EML5: variants seen among roughly 807,000 people sequenced by gnomAD.
EML5 encodes EMAP like 5.
In EML5, 120 loss-of-function variants were observed where a neutral mutation model predicts 250.0. The observed-to-expected ratio is 0.48, with a 90% confidence interval of 0.41 to 0.56. EML5 has a LOEUF of 0.56. Ranked by LOEUF, EML5 falls within the 20% of genes least tolerant of loss-of-function variation. EML5 has a pLI of 0.00. For synonymous variants in EML5, 771 were observed against 806.5 expected (o/e 0.96, Z 0.75); for missense variants, 2,006 against 2,437.6 (o/e 0.82, Z 3.73).
chr14:88,664,860 G>C (rs187287118), intron 22 of EML5, among the ~76,000 whole-genome samples: 2 of 152,214 alleles, frequency 1.3e-5, no homozygotes, highest in East Asian at 3.9e-4. Context: ...CAAAAGCTAT[G>C]TATGATGTAG....
intron 7 of EML5, among the ~76,000 whole-genome samples, chr14:88,735,149 T>C (rs1209273648): frequency 6.6e-6 from 1 of 152,168 alleles, no homozygotes; most frequent in Non-Finnish European, 1.5e-5. Flanking sequence ...CTCAAACTTT[T>C]GAGTATATCG....
At position 88,687,261 on chromosome 14, in the gene EML5, T is replaced by G; in HGVS notation, c.2809A>C (p.Lys937Gln). 2.5e-6 allele frequency: 4 copies of G among 1,612,572 alleles called. No individual in the cohort carries two copies. Among genetic ancestry groups the G allele is most frequent in the Non-Finnish European group, 3.4e-6 (4 of 1,179,400 alleles). The change falls in exon 19 of 44, where the codon AAG becomes CAG. Residue 937 changes from lysine (K) to glutamine (Q), a missense_variant. Physicochemically the swap from Lys to Gln is moderately conservative, Grantham distance 53. Around this residue, in one of 7 missense-constraint regions of EML5, gnomAD observed 1,375 missense variants for 1,590.3 expected, o/e 0.86. Coordinates refer to ENST00000554922, the MANE Select transcript of EML5 (RefSeq NM_183387.3). ...GCAGCTCTTTTTATAGCATAGGTCTTGAGACATCTTTCAAAAGAGTCATCC... is the reference window on the plus strand; with the variant it reads ...GCAGCTCTTTTTATAGCATAGGTCTGGAGACATCTTTCAAAAGAGTCATCC... ...LWDDSFERCL[K>Q]TYAIKRAALA...
At chr14:88,763,436 C>A (rs574435014) in intron 1 of EML5, among the ~76,000 whole-genome samples, 16 of 151,842 alleles carry the variant, frequency 1.1e-4, no homozygotes, top group East Asian at 1.9e-4. Flanking sequence ...ACACACACAC[C>A]CCCCCAAGAC....
chr14:88,622,584 C>G lies in EML5; in HGVS notation c.5013+20G>C, dbSNP rs1216479852. Reference sequence around the variant, plus strand: ...CTTTCTGTTTTCTGCTGCACTGTATCAGCTCATGGAACATCTTACTTTGCC... The same window carrying G: ...CTTTCTGTTTTCTGCTGCACTGTATGAGCTCATGGAACATCTTACTTTGCC... On this transcript the variant is annotated intron_variant, in intron 37 of 43. Transcript: ENST00000554922. 1 of 1,564,156 alleles carries G rather than the reference C, an allele frequency of 6.4e-7. No homozygotes were observed. The highest frequency in any genetic ancestry group is 8.7e-7 in the Non-Finnish European group (1 of 1,152,234).
chr14:88,729,104 CAACT>C (rs1434625156), intron 7 of EML5, among the ~76,000 whole-genome samples: 3 of 149,628 alleles, frequency 2.0e-5, no homozygotes, highest in Non-Finnish European at 4.5e-5. Context: ...TATATATAAC[CAACT>C]GAGAATGGCA....
chr14:88,699,746 A>C (rs2093165072), intron 14 of EML5, among the ~76,000 whole-genome samples: 1 of 152,162 alleles, frequency 6.6e-6, no homozygotes, highest in African/African-American at 2.4e-5. Context: ...CTACTTGAGG[A>C]CTGACTAGCT....
intron 1 of EML5, among the ~76,000 whole-genome samples, chr14:88,775,866 G>A (rs2094442233): frequency 6.6e-6 from 1 of 150,656 alleles, no homozygotes; most frequent in African/African-American, 2.5e-5. Context: ...GTGGCCACAG[G>A]GTGATTATGT....
At chr14:88,679,404 G>C (rs1037236933) in intron 21 of EML5, among the ~76,000 whole-genome samples, 12 of 151,760 alleles carry the variant, frequency 7.9e-5, no homozygotes, top group Non-Finnish European at 1.0e-4. Context: ...TCAATAAAGG[G>C]GCTATAGCCA....
chr14:88,697,388 G>T (rs2093103679), intron 14 of EML5, among the ~76,000 whole-genome samples: 1 of 152,194 alleles, frequency 6.6e-6, no homozygotes, highest in African/African-American at 2.4e-5. Context: ...GTCCATAGAA[G>T]AGAAGGTACT....
intron 20 of EML5, among the ~76,000 whole-genome samples, chr14:88,682,622 C>T (rs145707113): frequency 2.0e-5 from 3 of 152,106 alleles, no homozygotes; most frequent in South Asian, 2.1e-4. Context: ...CTCTCTCCCC[C>T]CAGCTCGCGG....
rs35634830 is a variant in EML5, at chr14:88,660,282, T to TAAA, written c.3675+1369_3675+1371dup. Among the ~76,000 whole-genome samples the TAAA allele has an allele frequency of 6.3e-4, 84 of 133,898 alleles. 1 individual carries two copies. The East Asian group carries it at 0.015, about 23-fold the overall frequency. 87.8% of individuals were successfully genotyped at this position (133,898 alleles called of 152,430 possible). A position where few individuals can be genotyped will look rare whatever the true frequency, so the allele number is the denominator to read the frequency against. On this transcript the variant is annotated intron_variant, in intron 25 of 43. Coordinates refer to ENST00000554922, the MANE Select transcript of EML5 (RefSeq NM_183387.3). ...TGGGTCACAGAGAGAGACGCTGTCT[T>TAAA]AAAAAAAAAAAAAAAAGAAAGGAAT...
At chr14:88,639,871 G>A (rs748489963) in intron 31 of EML5, among the ~76,000 whole-genome samples, 7 of 152,144 alleles carry the variant, frequency 4.6e-5, no homozygotes, top group Admixed American at 2.6e-4. Flanking sequence ...ATGAGCCACC[G>A]TGCCCAGCAG....
chr14:88,740,339 G>C, intron 5 of EML5, 48 bp downstream of exon 5: 2 of 1,485,862 alleles, frequency 1.3e-6, no homozygotes, highest in Non-Finnish European at 1.8e-6. Flanking sequence ...TCTAAGACAA[G>C]GTTAAGTAAT....
intron 7 of EML5, among the ~76,000 whole-genome samples, chr14:88,728,873 G>C (rs2093708646): frequency 6.6e-6 from 1 of 151,612 alleles, no homozygotes; most frequent in Non-Finnish European, 1.5e-5. Context: ...ATAAACAAAG[G>C]CTACAATTTA....
intron 2 of EML5, among the ~76,000 whole-genome samples, chr14:88,752,126 C>T (rs1444608291): frequency 1.3e-5 from 2 of 152,042 alleles, no homozygotes; most frequent in Non-Finnish European, 2.9e-5. Flanking sequence ...AAGACTTTTC[C>T]TATAAGTTGC....
At chr14:88,740,022 T>A (rs1397884752) in intron 5 of EML5, among the ~76,000 whole-genome samples, 1 of 152,170 alleles carries the variant, frequency 6.6e-6, no homozygotes, top group Non-Finnish European at 1.5e-5. Flanking sequence ...AGTAAGTTAT[T>A]TACACGAAAA....
chr14:88,646,979 GA>G, intron 28 of EML5, 24 bp from the exon 29 acceptor site: 2 of 1,588,000 alleles, frequency 1.3e-6, no homozygotes, highest in Middle Eastern at 1.7e-4. Context: ...GATAAAGAGG[GA>G]AAAAGATTAC....
chr14:88,739,900 T>C (rs999371301), intron 5 of EML5, among the ~76,000 whole-genome samples: 1 of 152,232 alleles, frequency 6.6e-6, no homozygotes, highest in Admixed American at 6.5e-5. Context: ...GTTAACAACA[T>C]GGCAGCTTTG....
chr14:88,784,406 A>G (rs1004207594), intron 1 of EML5, among the ~76,000 whole-genome samples: 3 of 152,016 alleles, frequency 2.0e-5, no homozygotes, highest in African/African-American at 7.2e-5. Flanking sequence ...TAGCCACATT[A>G]AGAAAAAAAA....
Sources: allele counts gnomAD v4.1 joint callset (sites outside exome capture counted in the v4.1 genomes callset), GRCh38; gene constraint gnomAD v4.1.1; regional missense constraint gnomAD v4.1.1; transcripts MANE v1.5; gene names NCBI Gene and HGNC (gene_info 2026-07-23, HGNC 2026-07-21).